Variants in MYT1L observed in about 807,000 individuals in gnomAD.
The protein encoded by MYT1L is myelin transcription factor 1-like protein.
In MYT1L, 12 loss-of-function variants were observed where a neutral mutation model predicts 126.7. The observed-to-expected ratio is 0.09, with a 90% CI of 0.06 to 0.15. The LOEUF (loss-of-function observed/expected upper bound fraction) is 0.15, where lower values mean the gene tolerates loss of function less well. Ranked by LOEUF, MYT1L falls within the 10% of genes least tolerant of loss-of-function variation. The pLI is 1.00. For synonymous variants in MYT1L, 541 were observed against 604.2 expected, an observed-to-expected ratio of 0.90 and a Z score of 1.53; for missense variants, 979 against 1,585.2, an observed-to-expected ratio of 0.62 and a Z score of 6.49.
At chr2:2,310,566 T>C (rs2095950519) in intron 1 of MYT1L, among the ~76,000 whole-genome samples, 2 of 152,256 alleles carry the variant, frequency 1.3e-5, no homozygotes, top group African/African-American at 4.8e-5. Context: ...TTCTATGAGC[T>C]TTTGTACTAT....
In MYT1L at chr2:2,236,805, CTTCTTCTTCTT is replaced by C. The variant is rs1389003575; in HGVS notation, c.-421+47588_-421+47598del. On this transcript the variant is annotated intron_variant, in intron 2 of 24. Coordinates refer to ENST00000647738, the MANE Select transcript of MYT1L (RefSeq NM_001303052.2). The stretch of plus-strand genomic sequence containing the variant: ...TCTTCTTCTTCTTCTTCTTCTTCTT[CTTCTTCTTCTT>C]TTTTTTTTTTTTTTTTGATGGAGTT... Among the ~76,000 whole-genome samples the C allele has an allele frequency of 7.6e-3, 66 of 8,674 alleles. No individual in the cohort carries two copies. In the Middle Eastern group the frequency reaches 0.16, roughly 21 times the overall value. 5.7% of individuals were successfully genotyped at this position (8,674 alleles called of 152,430 possible). A position where few individuals can be genotyped will look rare whatever the true frequency, so the allele number is the denominator to read the frequency against.
intron 18 of MYT1L, among the ~76,000 whole-genome samples, chr2:1,862,029 C>T (rs1181745097): frequency 6.6e-6 from 1 of 152,116 alleles, no homozygotes; most frequent in Admixed American, 6.5e-5. Context: ...TCGGGGGTTA[C>T]CTGATGTTTT....
chr2:1,842,643 C>G (rs1482986594), intron 19 of MYT1L: 2 of 152,662 alleles, frequency 1.3e-5, no homozygotes, highest in African/African-American at 4.8e-5. Flanking sequence ...GGCTCCTGAC[C>G]TGCCTGCAGG....
In MYT1L at chr2:2,279,564, T is replaced by G. The variant is rs201780660; in HGVS notation, c.-421+4840A>C. ...GAGAGAGAAAGAGAGAAGGAATGAA[T>G]GAATGAAGGAAGGAAGGAAGGAAGG... On this transcript the variant is annotated intron_variant, in intron 2 of 24. Coordinates refer to ENST00000647738, the MANE Select transcript of MYT1L (RefSeq NM_001303052.2). 4.1e-3 allele frequency among the ~76,000 whole-genome samples: 494 copies of G among 121,656 alleles called. 5 individuals carry two copies. Among genetic ancestry groups the G allele is most frequent in the African/African-American group, 0.014 (473 of 33,018 alleles). 79.8% of individuals were successfully genotyped at this position (121,656 alleles called of 152,430 possible).
intron 21 of MYT1L, among the ~76,000 whole-genome samples, chr2:1,814,519 A>G (rs748249734): frequency 3.3e-5 from 5 of 152,204 alleles, no homozygotes; most frequent in African/African-American, 4.8e-5. Context: ...CAGATGGGAC[A>G]TGTTTAGTAA....
chr2:2,132,237 G>T (rs2148034392), intron 3 of MYT1L, among the ~76,000 whole-genome samples: 1 of 151,890 alleles, frequency 6.6e-6, no homozygotes, highest in African/African-American at 2.4e-5. Flanking sequence ...AGAGCTTGAG[G>T]GTCTCTTAAG....
intron 21 of MYT1L, chr2:1,825,556 A>G (rs2039189316): frequency 6.6e-6 from 1 of 152,206 alleles, no homozygotes; most frequent in African/African-American, 2.4e-5. Context: ...ACTAATTATG[A>G]GAACGTCAAA....
intron 4 of MYT1L, among the ~76,000 whole-genome samples, chr2:2,029,969 TC>T (rs2066051881): frequency 6.6e-6 from 1 of 152,244 alleles, no homozygotes; most frequent in Non-Finnish European, 1.5e-5. Flanking sequence ...CTTATAGAGT[TC>T]CAGTTACAGC....
In MYT1L at chr2:2,087,848, G is replaced by A. The variant is rs1473189441; in HGVS notation, c.-303-33725C>T. Reference sequence around the variant, plus strand: ...CTATAATGGCTTTTAAGCACAGAACGGGCCAGTGACAGCTTGCTAACATGG... The same window carrying A: ...CTATAATGGCTTTTAAGCACAGAACAGGCCAGTGACAGCTTGCTAACATGG... On this transcript the variant is annotated intron_variant, in intron 3 of 24. Coordinates refer to ENST00000647738, the MANE Select transcript of MYT1L (RefSeq NM_001303052.2). 4.6e-5 allele frequency among the ~76,000 whole-genome samples: 7 copies of A among 152,188 alleles called. 1 individual carries two copies. The highest frequency in any genetic ancestry group is 4.1e-4 in the South Asian group (2 of 4,830).
chr2:1,840,858 C>T lies in MYT1L; in HGVS notation c.2775-15G>A, dbSNP rs1284083840. The T allele has an allele frequency of 2.6e-6, 4 of 1,513,350 alleles. No homozygotes were observed. The highest frequency in any genetic ancestry group is 1.4e-5 in the African/African-American group (1 of 71,240). 93.7% of individuals were successfully genotyped at this position (1,513,350 alleles called of 1,614,324 possible). A position where few individuals can be genotyped will look rare whatever the true frequency, so the allele number is the denominator to read the frequency against. ...AACCTGAAAGGCTAAATAAGAAACACATTTCAGAAAGCACCCCACACCGTT... is the reference window on the plus strand; with the variant it reads ...AACCTGAAAGGCTAAATAAGAAACATATTTCAGAAAGCACCCCACACCGTT... On this transcript the variant is annotated splice_polypyrimidine_tract_variant and intron_variant, in intron 19 of 24. Transcript: ENST00000647738.
intron 4 of MYT1L, among the ~76,000 whole-genome samples, chr2:2,007,083 C>T (rs190077266): frequency 1.1e-3 from 161 of 151,770 alleles, no homozygotes; most frequent in Non-Finnish European, 1.4e-3. Context: ...TTTTTGCCAT[C>T]CATTTGTCCA....
intron 2 of MYT1L, among the ~76,000 whole-genome samples, chr2:2,205,965 A>ATTTCTTTTCT (rs200696838): frequency 2.6e-4 from 39 of 149,948 alleles, no homozygotes; most frequent in African/African-American, 9.5e-4. Flanking sequence ...CTGTCCCATA[A>ATTTCTTTTCT]TTTCTTTTCT....
chr2:2,089,041 A>G (rs1297576544), intron 3 of MYT1L, among the ~76,000 whole-genome samples: 2 of 152,246 alleles, frequency 1.3e-5, no homozygotes, highest in Admixed American at 6.5e-5. Flanking sequence ...ACAGTGGGAT[A>G]CTAATACTGT....
chr2:2,099,507 C>T (rs916358054), intron 3 of MYT1L, among the ~76,000 whole-genome samples: 1 of 152,196 alleles, frequency 6.6e-6, no homozygotes, highest in Non-Finnish European at 1.5e-5. Context: ...AGAAAATTTT[C>T]AGCACTTGCC....
At chr2:2,247,532 G>A (rs2094557093) in intron 2 of MYT1L, among the ~76,000 whole-genome samples, 1 of 152,022 alleles carries the variant, frequency 6.6e-6, no homozygotes, top group Non-Finnish European at 1.5e-5. Flanking sequence ...GAACAAAATG[G>A]ACCTAATAGA....
intron 3 of MYT1L, among the ~76,000 whole-genome samples, chr2:2,078,135 G>C (rs2075413969): frequency 1.3e-5 from 2 of 152,064 alleles, no homozygotes; most frequent in African/African-American, 4.8e-5. Flanking sequence ...GTTGCTTCAA[G>C]TTAACAGCTA....
intron 3 of MYT1L, among the ~76,000 whole-genome samples, chr2:2,119,646 C>T (rs2080711666): frequency 6.6e-6 from 1 of 152,168 alleles, no homozygotes; most frequent in Admixed American, 6.5e-5. Flanking sequence ...CCAGGTTTAA[C>T]CTCAGTTCCT....
At chr2:2,235,313 G>C (rs61010775) in intron 2 of MYT1L, among the ~76,000 whole-genome samples, 1 of 147,782 alleles carries the variant, frequency 6.8e-6, no homozygotes. Flanking sequence ...GTGTAGAGGT[G>C]TGTGTGTAGC....
intron 2 of MYT1L, among the ~76,000 whole-genome samples, chr2:2,189,533 A>AT (rs2092438486): frequency 6.6e-6 from 1 of 152,190 alleles, no homozygotes; most frequent in African/African-American, 2.4e-5. Flanking sequence ...GGAAAATATT[A>AT]TTTTTCATAA....
Sources: gnomAD v4.1 joint callset for allele counts (sites outside exome capture counted in the v4.1 genomes callset) on GRCh38, gnomAD v4.1.1 for gene constraint, MANE v1.5 for transcripts, NCBI Gene and HGNC (gene_info 2026-07-23, HGNC 2026-07-21) for gene names.